The following HEPHL1 variants were observed in gnomAD, a reference collection of about 807,000 sequenced individuals.
HEPHL1 encodes hephaestin like 1.
In HEPHL1, 123 loss-of-function variants were observed where a neutral mutation model predicts 122.0. That is an observed-to-expected ratio of 1.01 (90% CI 0.87 to 1.17). HEPHL1 has a LOEUF of 1.17. Among genes scored for constraint, HEPHL1 ranks in the 50% most tolerant of loss-of-function variants. The pLI is 0.00. For missense variants in HEPHL1, 1,452 were observed against 1,430.5 expected (o/e 1.01, Z -0.24); for synonymous variants, 527 against 508.9 (o/e 1.04, Z -0.48).
intron 14 of HEPHL1, among the ~76,000 whole-genome samples, chr11:94,102,038 G>A (rs1446463019): frequency 6.6e-6 from 1 of 152,046 alleles, no homozygotes; most frequent in Non-Finnish European, 1.5e-5. Flanking sequence ...ATCTCTTACT[G>A]TGCCTAATTT....
chr11:94,100,730 A>G (rs1271608166), intron 13 of HEPHL1, among the ~76,000 whole-genome samples: 1 of 151,846 alleles, frequency 6.6e-6, no homozygotes, highest in African/African-American at 2.4e-5. Context: ...GGTTATACAC[A>G]GGGGGATTAC....
At position 94,085,907 on chromosome 11, in the gene HEPHL1, T is replaced by G. The variant is rs1946212715; in HGVS notation, c.1868-70T>G. On this transcript the variant is annotated intron_variant, in intron 10 of 19. Transcript: ENST00000315765. ...GAAAACAAGGATCTTTTGTAAACAG[T>G]TTACATATTTGAAGCTCCCCTGCCC... The G allele has an allele frequency of 1.0e-5, 11 of 1,080,768 alleles. No homozygotes were observed. In the South Asian group the frequency reaches 1.2e-4, roughly 12 times the overall value. The allele number at this position is 1,080,768 out of a possible 1,614,324, so 66.9% of individuals were successfully genotyped here.
In HEPHL1 at chr11:94,106,087, A is replaced by T; in HGVS notation, c.3002A>T (p.Asp1001Val). Residue 1001 changes from aspartate (D) to valine (V), a missense_variant, in exon 17 of 20, where the codon GAC becomes GTC. Asp to Val is a radical substitution (Grantham distance 152). Transcript: ENST00000315765. Reference protein sequence around the residue: ...WYLLGIGSEVDIHTIHYHAES... With the variant: ...WYLLGIGSEVVIHTIHYHAES... ...TTGTTAGGGATAGGAAGTGAAGTGG[A>T]CATACATACCATCCATTATCATGCT... 6.3e-7 allele frequency: 1 copy of T among 1,592,546 alleles called. No individual in the cohort carries two copies. The highest frequency in any genetic ancestry group is 8.6e-7 in the Non-Finnish European group (1 of 1,165,334).
Position 94,067,420 on chromosome 11 carries a change from G to A in HEPHL1, c.809-76G>A. On this transcript the variant is annotated intron_variant, in intron 4 of 19. Coordinates refer to ENST00000315765, the MANE Select transcript of HEPHL1 (RefSeq NM_001098672.2). Reference sequence around the variant, plus strand: ...GCACTGGTTTTCCAGCCATGCTTAAGCCCGTATTACCAACATTTCTGGTCC... The same window carrying A: ...GCACTGGTTTTCCAGCCATGCTTAAACCCGTATTACCAACATTTCTGGTCC... 3 of 1,445,648 alleles carry A rather than the reference G, an allele frequency of 2.1e-6. No individual in the cohort carries two copies. The South Asian group carries it at 3.7e-5, about 18-fold the overall frequency. 89.6% of individuals were successfully genotyped at this position (1,445,648 alleles called of 1,614,324 possible). A position where few individuals can be genotyped will look rare whatever the true frequency, so the allele number is the denominator to read the frequency against.
intron 1 of HEPHL1, among the ~76,000 whole-genome samples, chr11:94,034,437 T>C (rs1007367876): frequency 3.3e-5 from 5 of 152,252 alleles, no homozygotes; most frequent in Non-Finnish European, 7.3e-5. Flanking sequence ...TGTATACTAA[T>C]GTGATCATCT....
chr11:94,096,617 G>A (rs1475078479), intron 13 of HEPHL1, among the ~76,000 whole-genome samples: 7 of 152,142 alleles, frequency 4.6e-5, no homozygotes, highest in African/African-American at 1.7e-4. Flanking sequence ...TTGTACCTCT[G>A]GTAGAATTCG....
At chr11:94,067,773 T>C (rs1181325318) in intron 5 of HEPHL1, 23 bp downstream of exon 5, 3 of 1,610,408 alleles carry the variant, frequency 1.9e-6, no homozygotes, top group African/African-American at 1.3e-5. Context: ...AAGACCAGAG[T>C]TGATATGTTT....
intron 1 of HEPHL1, among the ~76,000 whole-genome samples, chr11:94,021,952 T>A (rs905681861): frequency 6.6e-6 from 1 of 152,180 alleles, no homozygotes; most frequent in Non-Finnish European, 1.5e-5. Flanking sequence ...GAATGAAACA[T>A]CATAATGGGA....
intron 2 of HEPHL1, among the ~76,000 whole-genome samples, chr11:94,047,978 C>G (rs942296035): frequency 1.3e-5 from 2 of 152,114 alleles, no homozygotes; most frequent in African/African-American, 4.8e-5. Flanking sequence ...TTTCCACAAC[C>G]TTTTCATCAT....
At chr11:94,022,840 A>C (rs985727846) in intron 1 of HEPHL1, among the ~76,000 whole-genome samples, 2 of 152,232 alleles carry the variant, frequency 1.3e-5, no homozygotes, top group African/African-American at 4.8e-5. Flanking sequence ...ATTCTCAGAG[A>C]GGGCTCAGTA....
At chr11:94,084,094 G>A (rs1167013171) in intron 10 of HEPHL1, among the ~76,000 whole-genome samples, 1 of 152,082 alleles carries the variant, frequency 6.6e-6, no homozygotes, top group East Asian at 1.9e-4. Context: ...GGAGGTCAAG[G>A]TGGGAGGATC....
intron 9 of HEPHL1, among the ~76,000 whole-genome samples, chr11:94,078,416 C>T (rs986399655): frequency 6.9e-6 from 1 of 144,664 alleles, no homozygotes; most frequent in African/African-American, 2.6e-5. Flanking sequence ...TAGCTGTGTG[C>T]TGCAGACACC....
chr11:94,032,641 G>T (rs1945685693), intron 1 of HEPHL1, among the ~76,000 whole-genome samples: 1 of 152,168 alleles, frequency 6.6e-6, no homozygotes, highest in African/African-American at 2.4e-5. Flanking sequence ...CAGGGCAGGA[G>T]AGGGGTCCGC....
At chr11:94,095,133 A>C (rs969024395) in intron 13 of HEPHL1, among the ~76,000 whole-genome samples, 4 of 152,192 alleles carry the variant, frequency 2.6e-5, no homozygotes, top group African/African-American at 9.7e-5. Context: ...TTTTAGGTCT[A>C]ACATTTAAGT....
At chr11:94,021,733 A>G (rs940203800) in intron 1 of HEPHL1, among the ~76,000 whole-genome samples, 195 bp downstream of exon 1, 5 of 152,166 alleles carry the variant, frequency 3.3e-5, no homozygotes, top group African/African-American at 1.2e-4. Flanking sequence ...AGCTCCATGT[A>G]TTTGTTGAGC....
At chr11:94,083,145 A>T (rs2134439938) in intron 10 of HEPHL1, among the ~76,000 whole-genome samples, 1 of 152,290 alleles carries the variant, frequency 6.6e-6, no homozygotes, top group East Asian at 1.9e-4. Context: ...GTAGAAAATT[A>T]CTGACAAACT....
At chr11:94,035,172 GCT>G (rs1945710318) in intron 1 of HEPHL1, among the ~76,000 whole-genome samples, 1 of 152,142 alleles carries the variant, frequency 6.6e-6, no homozygotes, top group Non-Finnish European at 1.5e-5. Flanking sequence ...CCTTTCTCAA[GCT>G]CTTCCTTCTA....
chr11:94,037,141 G>A (rs567460208), intron 1 of HEPHL1, among the ~76,000 whole-genome samples: 8 of 152,280 alleles, frequency 5.3e-5, no homozygotes, highest in South Asian at 4.1e-4. Flanking sequence ...ACTCCCACCC[G>A]AATATTGCGC....
chr11:94,036,234 A>C (rs1945721659), intron 1 of HEPHL1, among the ~76,000 whole-genome samples: 1 of 152,200 alleles, frequency 6.6e-6, no homozygotes, highest in Admixed American at 6.5e-5. Flanking sequence ...GTCTCTGGAC[A>C]GAATAGGAAT....
Sources: gnomAD v4.1 joint callset for allele counts (sites outside exome capture counted in the v4.1 genomes callset) on GRCh38, gnomAD v4.1.1 for gene constraint, MANE v1.5 for transcripts, NCBI Gene and HGNC (gene_info 2026-07-23, HGNC 2026-07-21) for gene names.